Variants in TAF3 observed in about 807,000 individuals in gnomAD.
TAF3 encodes the protein transcription initiation factor TFIID subunit 3.
In TAF3, 7 loss-of-function variants were observed where a neutral mutation model predicts 80.6. That is an observed-to-expected ratio of 0.09 (90% CI 0.05 to 0.16). The LOEUF is 0.16. TAF3 is among the 10% of genes least tolerant of loss of function. TAF3 has a pLI of 1.00. For missense variants in TAF3, 921 were observed against 1,140.2 expected (o/e 0.81, Z 2.77); for synonymous variants, 444 against 446.1 (o/e 1.00, Z 0.06).
At chr10:7,861,275 T>C (rs1159863398) in intron 2 of TAF3, among the ~76,000 whole-genome samples, 1 of 152,098 alleles carries the variant, frequency 6.6e-6, no homozygotes, top group African/African-American at 2.4e-5. Flanking sequence ...GCACGGCTAA[T>C]TTTTGTATTT....
chr10:7,860,907 C>A (rs777830738), intron 2 of TAF3, among the ~76,000 whole-genome samples: 40 of 151,492 alleles, frequency 2.6e-4, no homozygotes, highest in Non-Finnish European at 4.9e-4. Flanking sequence ...TCAAGCAATT[C>A]TCTGCTTCAG....
At chr10:7,856,114 A>G (rs1238325472) in intron 2 of TAF3, among the ~76,000 whole-genome samples, 2 of 152,192 alleles carry the variant, frequency 1.3e-5, no homozygotes, top group Non-Finnish European at 2.9e-5. Flanking sequence ...ATGGGAAATC[A>G]TGGCAGCAGA....
chr10:7,903,238 C>G (rs1249294311), intron 2 of TAF3, among the ~76,000 whole-genome samples: 1 of 152,104 alleles, frequency 6.6e-6, no homozygotes, highest in Admixed American at 6.5e-5. Flanking sequence ...TGTAATAATC[C>G]ATTTCTGTCA....
rs1054799462 is a variant in TAF3, at chr10:8,009,974, C to T, written c.2568+644C>T. Among the ~76,000 whole-genome samples the T allele has an allele frequency of 4.6e-5, 7 of 151,410 alleles. No individual in the cohort carries two copies. Among genetic ancestry groups the T allele is most frequent in the Non-Finnish European group, 7.4e-5 (5 of 67,840 alleles). Reference sequence around the variant, plus strand: ...TCACCGAGGCTGGAGTGCAGTGGTACGATCTCGGCTCACTGCAGCCCCTGC... The same window carrying T: ...TCACCGAGGCTGGAGTGCAGTGGTATGATCTCGGCTCACTGCAGCCCCTGC... On this transcript the variant is annotated intron_variant, in intron 5 of 6. Coordinates refer to ENST00000344293, the MANE Select transcript of TAF3 (RefSeq NM_031923.4). The surrounding 1 kb of genome is among the most constrained non-coding windows in gnomAD (Gnocchi z 4.1).
intron 2 of TAF3, among the ~76,000 whole-genome samples, chr10:7,916,712 C>T (rs1837714710): frequency 6.6e-6 from 1 of 152,040 alleles, no homozygotes; most frequent in South Asian, 2.1e-4. Context: ...TTAAGGGAAT[C>T]TTTTTAAAAA....
chr10:7,973,569 C>CAT (rs1402662918), intron 3 of TAF3, among the ~76,000 whole-genome samples: 1 of 152,124 alleles, frequency 6.6e-6, no homozygotes, highest in Admixed American at 6.5e-5. Flanking sequence ...ATGGTTTCTC[C>CAT]ATATATGATC....
chr10:7,947,407 T>C (rs1395929282), intron 2 of TAF3, among the ~76,000 whole-genome samples: 1 of 151,710 alleles, frequency 6.6e-6, no homozygotes, highest in South Asian at 2.1e-4. Flanking sequence ...ATGAAGCTTA[T>C]TGCATTTTGG....
chr10:7,921,028 C>G (rs1163488515), intron 2 of TAF3, among the ~76,000 whole-genome samples: 1 of 151,926 alleles, frequency 6.6e-6, no homozygotes, highest in East Asian at 1.9e-4. Flanking sequence ...GTTGGAATCC[C>G]TAGATAATTC....
chr10:7,887,245 A>AAAG (rs1837417392), intron 2 of TAF3, among the ~76,000 whole-genome samples: 4 of 150,438 alleles, frequency 2.7e-5, no homozygotes, highest in Non-Finnish European at 5.9e-5. Context: ...AAAAAAAAAA[A>AAAG]AAAGAAAGAA....
intron 1 of TAF3, among the ~76,000 whole-genome samples, chr10:7,820,269 C>G (rs562925364): frequency 6.6e-6 from 1 of 152,100 alleles, no homozygotes; most frequent in South Asian, 2.1e-4. Flanking sequence ...TATTTGTCAT[C>G]TTGTTTTGTA....
intron 2 of TAF3, among the ~76,000 whole-genome samples, chr10:7,853,525 G>A (rs1290085471): frequency 1.3e-5 from 2 of 152,174 alleles, no homozygotes; most frequent in African/African-American, 2.4e-5. Context: ...ACCAAAAATG[G>A]TATAAAAATG....
In TAF3 at chr10:7,864,575, G is replaced by A. The variant is rs1837190930; in HGVS notation, c.409+40015G>A. Among the ~76,000 whole-genome samples, 3 of 152,196 alleles carry A rather than the reference G, an allele frequency of 2.0e-5. No homozygotes were observed. The South Asian group carries it at 6.2e-4, about 32-fold the overall frequency. On this transcript the variant is annotated intron_variant, in intron 2 of 6. Transcript: ENST00000344293. ...CGTAATAATGTGTCCTTCATGTACA[G>A]GTTTCTGTGTAGACTCGTGTTTTCA...
At position 7,863,694 on chromosome 10, in the gene TAF3, T is replaced by TATATATATACATATATATATACAC. The variant is rs1837176835; in HGVS notation, c.409+39143_409+39144insCATATATATATACACATATATATA. ...ACACATATATATATATACACACACA[T>TATATATATACATATATATATACAC]ATATATATATACACATATATATATA... is the stretch of plus-strand genomic sequence containing the variant. On this transcript the variant is annotated intron_variant, in intron 2 of 6. Coordinates refer to ENST00000344293, the MANE Select transcript of TAF3 (RefSeq NM_031923.4). 5.8e-5 allele frequency among the ~76,000 whole-genome samples: 2 copies of TATATATATACATATATATATACAC among 34,614 alleles called. 1 individual carries two copies. The highest frequency in any genetic ancestry group is 2.2e-4 in the African/African-American group (2 of 8,960). The allele number at this position is 34,614 out of a possible 152,430, so 22.7% of individuals were successfully genotyped here.
intron 2 of TAF3, among the ~76,000 whole-genome samples, chr10:7,958,507 T>C (rs116445988): frequency 3.3e-5 from 5 of 151,872 alleles, no homozygotes; most frequent in Non-Finnish European, 5.9e-5. Flanking sequence ...AAAAAAATTA[T>C]AGTATCATAC....
intron 2 of TAF3, among the ~76,000 whole-genome samples, chr10:7,859,451 A>G (rs147035162): frequency 0.01 from 1,585 of 152,178 alleles, 15 homozygotes; most frequent in Non-Finnish European, 0.016. Context: ...TCCATTCCAG[A>G]TTGGGGGAGA....
intron 5 of TAF3, among the ~76,000 whole-genome samples, chr10:8,011,776 T>G (rs575696105): frequency 6.6e-6 from 1 of 152,344 alleles, no homozygotes; most frequent in South Asian, 2.1e-4. Flanking sequence ...GTGTTAAACT[T>G]GGTAATCTCT....
chr10:7,891,055 G>T (rs1002077078), intron 2 of TAF3, among the ~76,000 whole-genome samples: 1 of 152,232 alleles, frequency 6.6e-6, no homozygotes, highest in Admixed American at 6.5e-5. Context: ...CATGTCTGCA[G>T]CAGGCAGTGA....
chr10:7,987,665 G>T (rs1446274471), intron 4 of TAF3, among the ~76,000 whole-genome samples: 1 of 152,172 alleles, frequency 6.6e-6, no homozygotes, highest in Non-Finnish European at 1.5e-5. Flanking sequence ...ACATGAGGAT[G>T]AAATGACCCT....
intron 2 of TAF3, among the ~76,000 whole-genome samples, chr10:7,872,915 G>GT (rs1173183748): frequency 6.6e-6 from 1 of 152,140 alleles, no homozygotes; most frequent in Non-Finnish European, 1.5e-5. Flanking sequence ...GGGGCAGGGA[G>GT]TTTAGAGAGA....
Sources: allele counts gnomAD v4.1 joint callset (sites outside exome capture counted in the v4.1 genomes callset), GRCh38; gene constraint gnomAD v4.1.1; non-coding constraint Gnocchi (gnomAD v3.1); transcripts MANE v1.5; gene names NCBI Gene and HGNC (gene_info 2026-07-23, HGNC 2026-07-21).